The following SCD5 variants were observed in gnomAD, a reference collection of about 807,000 sequenced individuals.
SCD5 encodes the protein stearoyl-CoA desaturase 5, also known as acyl-CoA-desaturase 4.
Under a neutral mutation model 30.4 loss-of-function variants are expected in SCD5, and 20 were observed. The observed-to-expected ratio is 0.66, with a 90% confidence interval of 0.46 to 0.96. The LOEUF (loss-of-function observed/expected upper bound fraction) is 0.96, where lower values mean the gene tolerates loss of function less well. SCD5 is among the 40% of genes least tolerant of loss of function. The pLI is 0.00. For synonymous variants in SCD5, 173 were observed against 176.4 expected (o/e 0.98, Z 0.16); for missense variants, 381 against 443.3 (o/e 0.86, Z 1.26).
chr4:82,707,653 G>C (rs1719997242), intron 1 of SCD5, among the ~76,000 whole-genome samples: 1 of 152,262 alleles, frequency 6.6e-6, no homozygotes. Context: ...GGAGGCCCAT[G>C]TGGCAAAGAA....
intron 1 of SCD5, among the ~76,000 whole-genome samples, chr4:82,784,368 C>T (rs900404707): frequency 7.2e-5 from 11 of 152,220 alleles, no homozygotes; most frequent in East Asian, 5.8e-4. Context: ...TTGTGAGTGA[C>T]GAGTACACCT....
chr4:82,721,407 CA>C (rs1370561253), intron 1 of SCD5, among the ~76,000 whole-genome samples: 1 of 152,168 alleles, frequency 6.6e-6, no homozygotes, highest in Non-Finnish European at 1.5e-5. Context: ...CAATAAATAA[CA>C]GATTCAGGCA....
intron 1 of SCD5, among the ~76,000 whole-genome samples, chr4:82,746,790 T>C (rs1220584993): frequency 2.6e-5 from 4 of 152,018 alleles, no homozygotes; most frequent in Admixed American, 6.5e-5. Flanking sequence ...GCGGGGTCCC[T>C]GGCAAGGGCT....
chr4:82,789,992 ACTGAGT>A (rs1049706240), intron 1 of SCD5, among the ~76,000 whole-genome samples: 7 of 151,916 alleles, frequency 4.6e-5, no homozygotes, highest in African/African-American at 1.7e-4. Context: ...TTCCCCCAGG[ACTGAGT>A]CTGAGTCTGT....
At chr4:82,732,944 C>T (rs368305029) in intron 1 of SCD5, among the ~76,000 whole-genome samples, 24 of 152,210 alleles carry the variant, frequency 1.6e-4, no homozygotes, top group African/African-American at 5.5e-4. Flanking sequence ...TTGTCACTAC[C>T]AGTCTAGTAG....
chr4:82,764,889 G>C (rs766288073), intron 1 of SCD5, among the ~76,000 whole-genome samples: 1 of 151,932 alleles, frequency 6.6e-6, no homozygotes, highest in African/African-American at 2.4e-5. Context: ...ACCAGGGCTG[G>C]CTAATTTTTG....
intron 1 of SCD5, among the ~76,000 whole-genome samples, chr4:82,769,568 T>C (rs1168477884): frequency 6.6e-6 from 1 of 152,228 alleles, no homozygotes; most frequent in East Asian, 1.9e-4. Flanking sequence ...TCAGTCTATA[T>C]TGATGCATTT....
intron 1 of SCD5, among the ~76,000 whole-genome samples, chr4:82,708,300 TTATA>T (rs1720009737): frequency 1.3e-5 from 2 of 152,332 alleles, no homozygotes; most frequent in South Asian, 4.1e-4. Flanking sequence ...GATTTTGTTA[TTATA>T]TATATTTTCT....
chr4:82,653,701 G>GATAGATAGATAGAT (rs1553914394), intron 3 of SCD5, among the ~76,000 whole-genome samples: 1 of 121,836 alleles, frequency 8.2e-6, no homozygotes, highest in African/African-American at 3.1e-5. Flanking sequence ...TAGATAGATA[G>GATAGATAGATAGAT]ATAGATATAG....
At chr4:82,777,671 T>C (rs542411392) in intron 1 of SCD5, among the ~76,000 whole-genome samples, 42 of 152,300 alleles carry the variant, frequency 2.8e-4, no homozygotes, top group African/African-American at 9.4e-4. Context: ...GCCCTATAAA[T>C]TATGTAGCTG....
At chr4:82,763,782 T>A (rs1378577283) in intron 1 of SCD5, among the ~76,000 whole-genome samples, 1 of 152,238 alleles carries the variant, frequency 6.6e-6, no homozygotes, top group Non-Finnish European at 1.5e-5. Flanking sequence ...ATCTCTTTAT[T>A]TAACCCATCT....
intron 3 of SCD5, among the ~76,000 whole-genome samples, chr4:82,656,991 A>G (rs1252429023): frequency 6.6e-6 from 1 of 152,010 alleles, no homozygotes; most frequent in African/African-American, 2.4e-5. Context: ...TAGATTCTGG[A>G]TATTAGCCCT....
chr4:82,742,509 G>A (rs767194485), intron 1 of SCD5, among the ~76,000 whole-genome samples: 4 of 152,192 alleles, frequency 2.6e-5, no homozygotes, highest in Admixed American at 6.5e-5. Context: ...CTTTCTGGCC[G>A]GGCATGGTGC....
chr4:82,700,787 TAAAAAAAAAAAAAAAAAAAAAAAAAA>T (rs70938305), intron 2 of SCD5, among the ~76,000 whole-genome samples: 1 of 63,774 alleles, frequency 1.6e-5, no homozygotes, highest in Non-Finnish European at 3.1e-5. Flanking sequence ...ACCCTGTCTC[TAAAAAAAAAAAAAAAAAAAAAAAAAA>T]AAAAAAAAAA....
chr4:82,637,794 ACT>A (rs758201368), intron 3 of SCD5, among the ~76,000 whole-genome samples: 10 of 151,940 alleles, frequency 6.6e-5, no homozygotes, highest in Admixed American at 2.6e-4. Context: ...TAGGTGGAAG[ACT>A]CTGACTTGAG....
chr4:82,629,668 T>A lies in SCD5; in HGVS notation c.*1659A>T, dbSNP rs1727247733. ...TTCCAATTGCCATCATATCTTTTTC[T>A]AAAATTTAAAATTTAACTTTTAAAT... is the stretch of plus-strand genomic sequence containing the variant. On this transcript the variant is annotated 3_prime_UTR_variant, in exon 5 of 5. Transcript: ENST00000319540. 6.6e-6 allele frequency: 1 copy of A among 152,258 alleles called. No individual in the cohort carries two copies. The highest frequency in any genetic ancestry group is 1.5e-5 in the Non-Finnish European group (1 of 68,038). The allele number at this position is 152,258 out of a possible 1,614,324, so 9.4% of individuals were successfully genotyped here.
intron 2 of SCD5, among the ~76,000 whole-genome samples, chr4:82,689,376 GA>G (rs1728783077): frequency 1.6e-5 from 2 of 125,214 alleles, no homozygotes; most frequent in African/African-American, 7.5e-5. Context: ...ACACTAAAAA[GA>G]AAGAGTTTTT....
At chr4:82,768,559 T>C (rs1242820029) in intron 1 of SCD5, among the ~76,000 whole-genome samples, 2 of 152,202 alleles carry the variant, frequency 1.3e-5, no homozygotes, top group Non-Finnish European at 2.9e-5. Context: ...GCAAGAGTTA[T>C]ATGAATTATC....
intron 1 of SCD5, among the ~76,000 whole-genome samples, chr4:82,754,445 G>C (rs1437487832): frequency 7.1e-6 from 1 of 141,562 alleles, no homozygotes; most frequent in African/African-American, 2.5e-5. Flanking sequence ...TCAGTGCGTG[G>C]TCACTTGGCT....
Sources: allele counts gnomAD v4.1 joint callset (sites outside exome capture counted in the v4.1 genomes callset), GRCh38; gene constraint gnomAD v4.1.1; transcripts MANE v1.5; gene names NCBI Gene and HGNC (gene_info 2026-07-23, HGNC 2026-07-21).